The following MED4 variants were observed in gnomAD, a reference collection of about 807,000 sequenced individuals.
The protein encoded by MED4 is mediator complex subunit 4, also known as mediator of RNA polymerase II transcription subunit 4.
MED4 carries 21 observed loss-of-function variants against 35.0 expected under a neutral mutation model. The observed-to-expected ratio is 0.60, with a 90% CI of 0.43 to 0.86. The LOEUF (loss-of-function observed/expected upper bound fraction) is 0.86. Among genes scored for constraint, MED4 ranks in the 40% least tolerant of loss-of-function variants. The pLI is 0.00. For missense variants in MED4, 300 were observed against 319.4 expected (o/e 0.94, Z 0.46); for synonymous variants, 138 against 114.0 (o/e 1.21, Z -1.34).
At chr13:48,091,216 A>T (rs1008624041) in intron 1 of MED4, among the ~76,000 whole-genome samples, 1 of 152,230 alleles carries the variant, frequency 6.6e-6, no homozygotes, top group African/African-American at 2.4e-5. Flanking sequence ...CTTACACATA[A>T]TAAAATGATA....
chr13:48,082,296 G>GA (rs35144772), intron 4 of MED4, among the ~76,000 whole-genome samples: 10 of 149,212 alleles, frequency 6.7e-5, no homozygotes, highest in African/African-American at 2.0e-4. Flanking sequence ...CACAGATCTA[G>GA]AAAAAAAAAA....
intron 6 of MED4, 23 bp from the exon 7 acceptor site, chr13:48,077,334 A>C (rs1187672986): frequency 6.9e-7 from 1 of 1,452,946 alleles, no homozygotes; most frequent in African/African-American, 1.5e-5. Context: ...AGAAGCATAG[A>C]TAAGAACAGC....
At chr13:48,089,021 G>C (rs1400330494) in intron 2 of MED4, among the ~76,000 whole-genome samples, 1 of 152,066 alleles carries the variant, frequency 6.6e-6, no homozygotes, top group Non-Finnish European at 1.5e-5. Context: ...TGTGTGCCTG[G>C]CTCATAGCAA....
intron 4 of MED4, among the ~76,000 whole-genome samples, chr13:48,082,567 C>T (rs1345186492): frequency 6.6e-6 from 1 of 152,204 alleles, no homozygotes; most frequent in Admixed American, 6.5e-5. Context: ...GTGGCTCATG[C>T]CTGTAATCCC....
intron 3 of MED4, among the ~76,000 whole-genome samples, chr13:48,084,665 A>G (rs1227427816): frequency 2.6e-5 from 4 of 152,186 alleles, no homozygotes; most frequent in Admixed American, 6.5e-5. Context: ...TACCTAAAAA[A>G]TTAATACACC....
At chr13:48,077,881 A>G (rs1019332171) in intron 6 of MED4, among the ~76,000 whole-genome samples, 4 of 152,208 alleles carry the variant, frequency 2.6e-5, no homozygotes, top group African/African-American at 9.6e-5. Flanking sequence ...ATTTGTAATT[A>G]CAAATTTTTC....
In MED4 at chr13:48,086,424, C is replaced by T; in HGVS notation, c.221G>A (p.Gly74Glu). ...QVLELLIHRD[G>E]EFQELMKLAL... ...CAATTTCATTAGTTCTTGAAATTCCCCATCTCGGTGAATTAACAACTCCAG... is the reference window on the plus strand; with the variant it reads ...CAATTTCATTAGTTCTTGAAATTCCTCATCTCGGTGAATTAACAACTCCAG... The change falls in exon 3 of 7, where the codon GGG (glycine) becomes GAG (glutamate). Residue 74 changes from glycine to glutamate, a missense_variant. By Grantham distance (98) the Gly-to-Glu change is moderately conservative (BLOSUM62 -2). Coordinates refer to ENST00000258648, the MANE Select transcript of MED4 (RefSeq NM_014166.4). The T allele has an allele frequency of 6.2e-7, 1 of 1,613,490 alleles. No homozygotes were observed. Among genetic ancestry groups the T allele is most frequent in the Non-Finnish European group, 8.5e-7 (1 of 1,179,884 alleles).
At chr13:48,082,658 T>G (rs1334182020) in intron 4 of MED4, among the ~76,000 whole-genome samples, 1 of 152,118 alleles carries the variant, frequency 6.6e-6, no homozygotes. Flanking sequence ...AAACCCCGTC[T>G]CTACTAAAAA....
At position 48,079,944 on chromosome 13, in the gene MED4, T is replaced by C. The variant is rs1950792541; in HGVS notation, c.540A>G (p.Leu180=). Residue 180 remains leucine, a synonymous_variant, in exon 6 of 7, where the codon TTA becomes TTG. Transcript: ENST00000258648. ...GDPRRPYPTD[L]EMRSGLLGQM... ...GACCCAGTAACCCACTTCTCATCTC[T>C]AAATCAGTTGGGTAGGGTCTCCGGG... is the stretch of plus-strand genomic sequence containing the variant. The C allele has an allele frequency of 6.2e-7, 1 of 1,613,736 alleles. No homozygotes were observed. The highest frequency in any genetic ancestry group is 8.5e-7 in the Non-Finnish European group (1 of 1,179,810).
At chr13:48,090,328 C>A in intron 2 of MED4, 24 bp downstream of exon 2, 1 of 1,518,174 alleles carries the variant, frequency 6.6e-7, no homozygotes, top group Non-Finnish European at 8.8e-7. Flanking sequence ...GAGAAATTAA[C>A]TAATTTAAAA....
chr13:48,082,696 G>A (rs566481110), intron 4 of MED4, among the ~76,000 whole-genome samples: 27 of 152,210 alleles, frequency 1.8e-4, no homozygotes, highest in Middle Eastern at 6.8e-3. Flanking sequence ...GTGTGGTGGC[G>A]GGCGCCTGTA....
chr13:48,093,687 C>T (rs1950905620), intron 1 of MED4: 1 of 381,228 alleles, frequency 2.6e-6, no homozygotes, highest in African/African-American at 2.1e-5. Flanking sequence ...CACACCCGGC[C>T]CTAATACAGT....
In MED4 at chr13:48,095,054, T is replaced by C; in HGVS notation, c.25A>G (p.Lys9Glu). 1 of 1,605,320 alleles carries C rather than the reference T, an allele frequency of 6.2e-7. No individual in the cohort carries two copies. The highest frequency in any genetic ancestry group is 8.5e-7 in the Non-Finnish European group (1 of 1,179,874). MAASSSGE[K>E]EKERLGGGLG... Reference sequence around the variant, plus strand: ...CCGCCTCCCAGCCGCTCCTTCTCCTTCTCACCACTCGAAGACGCAGCCATT... The same window carrying C: ...CCGCCTCCCAGCCGCTCCTTCTCCTCCTCACCACTCGAAGACGCAGCCATT... Residue 9 changes from lysine (K) to glutamate (E), a missense_variant, in exon 1 of 7, where the codon AAG becomes GAG. Lys to Glu is a moderately conservative substitution (Grantham distance 56, BLOSUM62 1). Transcript: ENST00000258648.
Position 48,085,252 on chromosome 13 carries a change from A to G in MED4, c.363+1030T>C, listed in dbSNP as rs141260384. Among the ~76,000 whole-genome samples, 926 of 150,290 alleles carry G rather than the reference A, an allele frequency of 6.2e-3. 6 individuals are homozygous for G. The highest frequency in any genetic ancestry group is 0.018 in the South Asian group (88 of 4,772). On this transcript the variant is annotated intron_variant, in intron 3 of 6. Coordinates refer to ENST00000258648, the MANE Select transcript of MED4 (RefSeq NM_014166.4). ...AATAGCGCAATCTCAGCTCACTGCAACCTATGCCTCCCAGGTTCACGCGAT... is the reference window on the plus strand; with the variant it reads ...AATAGCGCAATCTCAGCTCACTGCAGCCTATGCCTCCCAGGTTCACGCGAT...
At position 48,079,926 on chromosome 13, in the gene MED4, T is replaced by C; in HGVS notation, c.558A>G (p.Leu186=). 6.2e-7 allele frequency: 1 copy of C among 1,613,930 alleles called. No homozygotes were observed. Among genetic ancestry groups the C allele is most frequent in the Admixed American group, 1.7e-5 (1 of 60,008 alleles). Residue 186 remains leucine (L), a synonymous_variant, in exon 6 of 7, where the codon TTA becomes TTG. Transcript: ENST00000258648. ...YPTDLEMRSG[L]LGQMNNPSTN... ...TGGAAGGATTGTTCATCTGACCCAG[T>C]AACCCACTTCTCATCTCTAAATCAG...
intron 3 of MED4, among the ~76,000 whole-genome samples, chr13:48,083,889 A>G (rs1950828952): frequency 6.6e-6 from 1 of 152,192 alleles, no homozygotes; most frequent in South Asian, 2.1e-4. Flanking sequence ...CACTCCCTCC[A>G]AGCCCTCAGG....
intron 5 of MED4, among the ~76,000 whole-genome samples, chr13:48,080,296 C>T (rs530611977): frequency 3.4e-5 from 5 of 148,518 alleles, no homozygotes; most frequent in Admixed American, 6.9e-5. Flanking sequence ...ACTCGGGAGG[C>T]TGAGGCAGGA....
Position 48,077,242 on chromosome 13 carries a change from C to T in MED4, c.710G>A (p.Ser237Asn), listed in dbSNP as rs560741452. The T allele has an allele frequency of 2.5e-6, 4 of 1,596,332 alleles. No individual in the cohort carries two copies. The highest frequency in any genetic ancestry group is 4.5e-5 in the East Asian group (2 of 44,126). ...MSMNMLPPNH[S>N]SDFLLEPPGH... ...AGGAGGTTCCAACAAAAAGTCACTA[C>T]TATGATTTGGTGGTAACATATTCAT... Residue 237 changes from serine (S) to asparagine (N), a missense_variant, in exon 7 of 7, where the codon AGT becomes AAT. Coordinates refer to ENST00000258648, the MANE Select transcript of MED4 (RefSeq NM_014166.4).
chr13:48,094,392 A>G (rs1007680442), intron 1 of MED4, among the ~76,000 whole-genome samples: 2 of 152,150 alleles, frequency 1.3e-5, no homozygotes, highest in African/African-American at 4.8e-5. Context: ...ACACACAACC[A>G]TCCTAAACAA....
Sources: gnomAD v4.1 joint callset for allele counts (sites outside exome capture counted in the v4.1 genomes callset) on GRCh38, gnomAD v4.1.1 for gene constraint, MANE v1.5 for transcripts, NCBI Gene and HGNC (gene_info 2026-07-23, HGNC 2026-07-21) for gene names.